TENM2: variants seen among roughly 807,000 people sequenced by gnomAD.
The protein encoded by TENM2 is teneurin-2.
Under a neutral mutation model 245.2 loss-of-function variants are expected in TENM2, and 52 were observed. The observed-to-expected ratio is 0.21, with a 90% CI of 0.17 to 0.27. The LOEUF (loss-of-function observed/expected upper bound fraction) is 0.27, where lower values mean the gene tolerates loss of function less well. Ranked by LOEUF, TENM2 falls within the 10% of genes least tolerant of loss-of-function variation. The pLI, the probability that TENM2 is intolerant of heterozygous loss-of-function variation, is 1.00. For synonymous variants in TENM2, 1,363 were observed against 1,438.9 expected, an observed-to-expected ratio of 0.95 and a Z score of 1.19; for missense variants, 3,046 against 3,666.8, an observed-to-expected ratio of 0.83 and a Z score of 4.37.
the TENM2 span, among the ~76,000 whole-genome samples, chr5:167,240,739 T>G: frequency 1.3e-5 from 2 of 152,336 alleles, no homozygotes; most frequent in East Asian, 3.9e-4. Flanking sequence ...CAGGAATATG[T>G]GCTACCTTCT....
chr5:167,199,457 G>C, the TENM2 span, among the ~76,000 whole-genome samples: 1 of 152,054 alleles, frequency 6.6e-6, no homozygotes, highest in African/African-American at 2.4e-5. Flanking sequence ...TCCTGGCCCG[G>C]CACCTTCAGA....
chr5:167,084,492 C>A, the TENM2 span, among the ~76,000 whole-genome samples: 1 of 150,886 alleles, frequency 6.6e-6, no homozygotes, highest in Non-Finnish European at 1.5e-5. Flanking sequence ...TTAATAATAG[C>A]AAGCACATGG....
chr5:167,187,688 T>G, the TENM2 span, among the ~76,000 whole-genome samples: 24 of 152,224 alleles, frequency 1.6e-4, no homozygotes, highest in African/African-American at 1.4e-4. Context: ...CTCCTTGTGT[T>G]CCTCCTCCTC....
intron 7 of TENM2, among the ~76,000 whole-genome samples, chr5:168,064,445 G>C (rs1790321003): frequency 6.6e-6 from 1 of 152,072 alleles, no homozygotes; most frequent in Admixed American, 6.6e-5. Flanking sequence ...CAGGAAACCA[G>C]AATCATGGAA....
intron 13 of TENM2, among the ~76,000 whole-genome samples, chr5:168,173,648 T>C (rs533964641): frequency 5.3e-5 from 8 of 152,124 alleles, no homozygotes; most frequent in African/African-American, 1.9e-4. Flanking sequence ...AACAAACATA[T>C]ACCAAGCCCC....
chr5:168,159,693 C>T (rs531622730), intron 12 of TENM2, among the ~76,000 whole-genome samples: 5 of 152,168 alleles, frequency 3.3e-5, no homozygotes, highest in Admixed American at 1.3e-4. Flanking sequence ...AAGTCCTGTC[C>T]GTTAATTACC....
At chr5:167,193,303 AC>A in the TENM2 span, among the ~76,000 whole-genome samples, 3 of 152,148 alleles carry the variant, frequency 2.0e-5, no homozygotes, top group East Asian at 5.8e-4. Context: ...TTGGGAAATC[AC>A]CATAGGTGTG....
chr5:167,172,715 G>A, the TENM2 span, among the ~76,000 whole-genome samples: 21 of 149,654 alleles, frequency 1.4e-4, no homozygotes, highest in Non-Finnish European at 2.5e-4. Flanking sequence ...GGTCTCAAGC[G>A]ATACTCCTGC....
chr5:167,214,423 C>T, the TENM2 span, among the ~76,000 whole-genome samples: 9 of 152,136 alleles, frequency 5.9e-5, no homozygotes, highest in Admixed American at 1.3e-4. Flanking sequence ...AAGCCTTTTG[C>T]GAGCTAATGA....
intron 2 of TENM2, among the ~76,000 whole-genome samples, chr5:167,450,972 C>T (rs1465435833): frequency 6.6e-6 from 1 of 152,100 alleles, no homozygotes; most frequent in African/African-American, 2.4e-5. Context: ...TGTACAGTCT[C>T]TTATTTTTTT....
intron 2 of TENM2, among the ~76,000 whole-genome samples, chr5:167,732,408 C>G (rs1055345296): frequency 1.3e-5 from 2 of 152,032 alleles, no homozygotes; most frequent in South Asian, 4.2e-4. Context: ...ATACTTAGGG[C>G]CCTGTTTAGT....
At chr5:168,078,898 G>C (rs1388457908) in intron 7 of TENM2, among the ~76,000 whole-genome samples, 1 of 152,174 alleles carries the variant, frequency 6.6e-6, no homozygotes, top group African/African-American at 2.4e-5. Flanking sequence ...GTTTAGGATT[G>C]TCTTGGCAAT....
In TENM2 at chr5:168,091,756, A is replaced by G. The variant is rs531801464; in HGVS notation, c.1711+987A>G. Among the ~76,000 whole-genome samples the G allele has an allele frequency of 1.2e-4, 18 of 152,332 alleles. 1 individual carries two copies. Among genetic ancestry groups the G allele is most frequent in the East Asian group, 3.9e-4 (2 of 5,182 alleles). ...CCCTTGTACAACACCATGTGTCCCA[A>G]AAACTTTTAGCTGTAGATCTCAAGA... On this transcript the variant is annotated intron_variant, in intron 8 of 28. Coordinates refer to ENST00000518659, the Ensembl canonical transcript of TENM2.
chr5:167,039,858 C>T, the TENM2 span, among the ~76,000 whole-genome samples: 1 of 151,998 alleles, frequency 6.6e-6, no homozygotes, highest in African/African-American at 2.4e-5. Context: ...AAAAAAAGCA[C>T]AGGAGTTCAC....
chr5:168,076,973 T>TGTC (rs1721882021), intron 7 of TENM2, among the ~76,000 whole-genome samples: 1 of 152,004 alleles, frequency 6.6e-6, no homozygotes, highest in African/African-American at 2.4e-5. Flanking sequence ...GGATTAAGAG[T>TGTC]GTCCTCTTTG....
intron 2 of TENM2, among the ~76,000 whole-genome samples, chr5:167,416,251 T>C (rs10072329): frequency 0.035 from 5,403 of 152,238 alleles, 328 homozygotes; most frequent in African/African-American, 0.12. Flanking sequence ...AATAGATTTA[T>C]ATGATAGTGC....
chr5:167,060,850 C>T, the TENM2 span, among the ~76,000 whole-genome samples: 1 of 151,996 alleles, frequency 6.6e-6, no homozygotes, highest in South Asian at 2.1e-4. Context: ...GGACTCACCA[C>T]ATTTTTAGTG....
intron 2 of TENM2, among the ~76,000 whole-genome samples, chr5:167,452,964 T>TTATATATATATATATTTA (rs1554157789): frequency 1.8e-5 from 2 of 108,222 alleles, no homozygotes. Context: ...TATATATATT[T>TTATATATATATATATTTA]AAAAAAAAAA....
chr5:167,094,516 T>C, the TENM2 span, among the ~76,000 whole-genome samples: 1 of 152,132 alleles, frequency 6.6e-6, no homozygotes, highest in Non-Finnish European at 1.5e-5. Context: ...TTACAATCCT[T>C]ACAGAAGAAA....
Sources: gnomAD v4.1 joint callset for allele counts (sites outside exome capture counted in the v4.1 genomes callset) on GRCh38, gnomAD v4.1.1 for gene constraint, MANE v1.5 for transcripts, NCBI Gene and HGNC (gene_info 2026-07-23, HGNC 2026-07-21) for gene names.